BACH2: variants seen among roughly 807,000 people sequenced by gnomAD.
BACH2 encodes BACH transcriptional regulator 2, also known as transcription regulator protein BACH2.
Under a neutral mutation model 61.8 loss-of-function variants are expected in BACH2, and 5 were observed. That is an observed-to-expected ratio of 0.08 (90% confidence interval 0.04 to 0.17). BACH2 has a LOEUF of 0.17. Among genes scored for constraint, BACH2 ranks in the 10% least tolerant of loss-of-function variants. The pLI is 1.00. For missense variants in BACH2, 824 were observed against 1,091.1 expected, an observed-to-expected ratio of 0.76 and a Z score of 3.45; for synonymous variants, 446 against 440.1, an observed-to-expected ratio of 1.01 and a Z score of -0.17.
chr6:90,225,311 C>A (rs1481898518), intron 3 of BACH2, among the ~76,000 whole-genome samples: 1 of 151,984 alleles, frequency 6.6e-6, no homozygotes, highest in Non-Finnish European at 1.5e-5. Context: ...AGCCCAGGCC[C>A]GGGAGTTCGA....
chr6:90,150,100 G>A (rs1351219022), intron 4 of BACH2, among the ~76,000 whole-genome samples: 5 of 152,112 alleles, frequency 3.3e-5, no homozygotes, highest in East Asian at 1.9e-4. Context: ...GATCATCTCC[G>A]AGGGGTTTGA....
chr6:90,011,530 CTTTTGTTTTG>C (rs775774218), intron 5 of BACH2, among the ~76,000 whole-genome samples: 3 of 151,966 alleles, frequency 2.0e-5, no homozygotes, highest in Non-Finnish European at 2.9e-5. Flanking sequence ...TGTTTGTCTA[CTTTTGTTTTG>C]TTTTGTTTTG....
chr6:90,218,082 C>T (rs1329579347), intron 3 of BACH2: 1 of 152,106 alleles, frequency 6.6e-6, no homozygotes, highest in Non-Finnish European at 1.5e-5. Context: ...AGTACGGTTC[C>T]AATTTTCCTG....
chr6:90,170,015 GATCA>G (rs1253660790), intron 4 of BACH2, among the ~76,000 whole-genome samples: 1 of 152,112 alleles, frequency 6.6e-6, no homozygotes, highest in African/African-American at 2.4e-5. Context: ...GTTCTATTGT[GATCA>G]ATATTTCTAT....
chr6:90,143,313 C>T (rs1784522522), intron 4 of BACH2, among the ~76,000 whole-genome samples: 1 of 152,138 alleles, frequency 6.6e-6, no homozygotes. Flanking sequence ...GGTAGTGTGG[C>T]TTGCAGTTAA....
At chr6:89,954,567 T>C (rs1203215904) in intron 6 of BACH2, among the ~76,000 whole-genome samples, 2 of 150,420 alleles carry the variant, frequency 1.3e-5, no homozygotes, top group Non-Finnish European at 3.0e-5. Flanking sequence ...ACCACTATCT[T>C]CCACTGTGGC....
At chr6:90,214,378 C>G (rs931108535) in intron 3 of BACH2, among the ~76,000 whole-genome samples, 56 of 152,074 alleles carry the variant, frequency 3.7e-4, no homozygotes, top group African/African-American at 1.4e-3. Context: ...GGTTGCTGTA[C>G]AATTCAGGCA....
intron 4 of BACH2, among the ~76,000 whole-genome samples, chr6:90,114,068 C>T (rs1295791119): frequency 6.6e-6 from 1 of 152,130 alleles, no homozygotes. Flanking sequence ...GATGGATTCA[C>T]AGCTGAATCC....
At chr6:90,258,146 ATGT>A (rs1457290396) in intron 2 of BACH2, among the ~76,000 whole-genome samples, 1 of 152,142 alleles carries the variant, frequency 6.6e-6, no homozygotes, top group Admixed American at 6.5e-5. Context: ...ACCAACGCCA[ATGT>A]CCAGGAGCTA....
intron 3 of BACH2, among the ~76,000 whole-genome samples, chr6:90,215,689 T>C (rs1769510898): frequency 6.6e-6 from 1 of 152,184 alleles, no homozygotes; most frequent in African/African-American, 2.4e-5. Context: ...AGGTTCCATA[T>C]GTAGCCAATT....
rs188802770 is a variant in BACH2 at position 89,927,989 on chromosome 6, T to G, written c.*4419A>C. The stretch of plus-strand genomic sequence containing the variant: ...CACACAATGCCTCGTGCACACAGAT[T>G]TCCTGTATGAATACCAACTCCACAC... On this transcript the variant is annotated 3_prime_UTR_variant, in exon 9 of 9. Transcript: ENST00000257749. 54 of 152,452 alleles carry G rather than the reference T, an allele frequency of 3.5e-4. No homozygotes were observed. The highest frequency in any genetic ancestry group is 1.1e-3 in the African/African-American group (44 of 41,576). The allele number at this position is 152,452 out of a possible 1,614,324, so 9.4% of individuals were successfully genotyped here. A position where few individuals can be genotyped will look rare whatever the true frequency, so the allele number is the denominator to read the frequency against.
intron 4 of BACH2, among the ~76,000 whole-genome samples, chr6:90,107,846 A>G (rs183444206): frequency 4.6e-5 from 7 of 152,216 alleles, no homozygotes; most frequent in Admixed American, 6.5e-5. Context: ...ATTTCTTTTT[A>G]TCATGGAACT....
chr6:89,994,086 C>A lies in BACH2; in HGVS notation c.243+14516G>T, dbSNP rs1776723044. Reference sequence around the variant, plus strand: ...AGTGACTTACCAAAGCACACGCTTACAGACATTTATATTTGTTTGAAAATA... The same window carrying A: ...AGTGACTTACCAAAGCACACGCTTAAAGACATTTATATTTGTTTGAAAATA... On this transcript the variant is annotated intron_variant, in intron 6 of 8. Transcript: ENST00000257749. 2.6e-5 allele frequency among the ~76,000 whole-genome samples: 4 copies of A among 152,160 alleles called. No homozygotes were observed. In the South Asian group the frequency reaches 8.3e-4, roughly 32 times the overall value.
chr6:89,976,330 G>A (rs1227689765), intron 6 of BACH2, among the ~76,000 whole-genome samples: 1 of 152,238 alleles, frequency 6.6e-6, no homozygotes, highest in African/African-American at 2.4e-5. Context: ...GCTCCCGCTT[G>A]CCTTCTATCC....
chr6:90,108,239 T>C (rs1000016257), intron 4 of BACH2, among the ~76,000 whole-genome samples: 8 of 152,150 alleles, frequency 5.3e-5, no homozygotes, highest in African/African-American at 1.9e-4. Context: ...ACCTGAGATC[T>C]CAAGGGAATG....
chr6:90,126,761 A>G (rs1215269360), intron 4 of BACH2, among the ~76,000 whole-genome samples: 1 of 152,240 alleles, frequency 6.6e-6, no homozygotes, highest in Non-Finnish European at 1.5e-5. Flanking sequence ...ACATTCTAGA[A>G]CCAATTCTAA....
intron 3 of BACH2, among the ~76,000 whole-genome samples, chr6:90,221,183 TAAGC>T (rs1343567156): frequency 6.6e-6 from 1 of 152,234 alleles, no homozygotes; most frequent in Non-Finnish European, 1.5e-5. Flanking sequence ...GAAATCCCTA[TAAGC>T]AAGATAGGTA....
At chr6:90,261,161 C>A (rs969014976) in intron 2 of BACH2, among the ~76,000 whole-genome samples, 4 of 152,172 alleles carry the variant, frequency 2.6e-5, no homozygotes, top group African/African-American at 9.7e-5. Context: ...TTATCCATAT[C>A]CACACCCAGT....
intron 4 of BACH2, among the ~76,000 whole-genome samples, chr6:90,118,788 G>T (rs1054625348): frequency 6.6e-6 from 1 of 152,184 alleles, no homozygotes; most frequent in African/African-American, 2.4e-5. Context: ...TATCCAAGAA[G>T]GTGGCAGCAC....
Sources: allele counts gnomAD v4.1 joint callset (sites outside exome capture counted in the v4.1 genomes callset), GRCh38; gene constraint gnomAD v4.1.1; transcripts MANE v1.5; gene names NCBI Gene and HGNC (gene_info 2026-07-23, HGNC 2026-07-21).